PDXDC1: variants seen among roughly 807,000 people sequenced by gnomAD.
PDXDC1 encodes the protein pyridoxal-dependent decarboxylase domain-containing protein 1.
In PDXDC1, 42 loss-of-function variants were observed where a neutral mutation model predicts 100.1. The ratio of observed to expected loss-of-function variants is 0.42; its 90% CI spans 0.33 to 0.54. The LOEUF (loss-of-function observed/expected upper bound fraction) is 0.54, where lower values mean the gene tolerates loss of function less well. PDXDC1 is among the 20% of genes least tolerant of loss of function. The pLI is 0.10. For missense variants in PDXDC1, 636 were observed against 979.2 expected (o/e 0.65, Z 4.68); for synonymous variants, 260 against 371.7 (o/e 0.70, Z 3.46).
intron 8 of PDXDC1, among the ~76,000 whole-genome samples, chr16:15,012,852 A>T (rs1351123075): frequency 2.2e-3 from 3 of 1,384 alleles, no homozygotes; most frequent in Non-Finnish European, 0.01. Context: ...ATCCTTTCTT[A>T]AAAAAAAAAA....
At chr16:15,112,295 G>A (rs201904788) in intron 16 of PDXDC1, among the ~76,000 whole-genome samples, 102,868 of 141,612 alleles carry the variant, frequency 0.73, 38,801 homozygotes, top group Admixed American at 0.84. Context: ...CTTGGCTCAC[G>A]GCAACCTCCA....
intron 3 of PDXDC1, among the ~76,000 whole-genome samples, chr16:14,999,337 G>A (rs565736497): frequency 0.019 from 2,899 of 151,472 alleles, no homozygotes; most frequent in Non-Finnish European, 0.032. Context: ...AAAGTGCTGG[G>A]ACTACAGGCA....
Position 15,022,705 on chromosome 16 carries a change from G to A in PDXDC1, c.1091G>A (p.Ser364Asn). ...VERIKHACQL[S>N]QRLQESLKKV... ...TGTGTTATTTTTTGTCATTTGCAGAGTCAACGGTTGCAGGAAAGTTTGAAG... is the reference window on the plus strand; with the variant it reads ...TGTGTTATTTTTTGTCATTTGCAGAATCAACGGTTGCAGGAAAGTTTGAAG... Residue 364 changes from serine (S) to asparagine (N), a missense_variant and splice_region_variant, in exon 13 of 23, where the codon AGT becomes AAT. Coordinates refer to ENST00000396410, the MANE Select transcript of PDXDC1 (RefSeq NM_015027.4). The A allele has an allele frequency of 6.2e-7, 1 of 1,612,684 alleles. No homozygotes were observed. The highest frequency in any genetic ancestry group is 1.1e-5 in the South Asian group (1 of 90,782).
rs568886395 is a variant in PDXDC1 at position 15,028,202 on chromosome 16, A to G, written c.1205-676A>G. ...ACCAGTCTTCTCCGCGCTCCAGAAC[A>G]CTCTGCCCTTTCCTACCGCAAGGGC... On this transcript the variant is annotated intron_variant, in intron 14 of 22. Transcript: ENST00000396410. Among the ~76,000 whole-genome samples, 158 of 152,280 alleles carry G rather than the reference A, an allele frequency of 1.0e-3. 1 individual carries two copies. Among genetic ancestry groups the G allele is most frequent in the South Asian group, 8.3e-4 (4 of 4,824 alleles).
chr16:15,079,749 T>A (rs980815451), intron 16 of PDXDC1, among the ~76,000 whole-genome samples: 1 of 152,174 alleles, frequency 6.6e-6, no homozygotes, highest in East Asian at 1.9e-4. Context: ...CCCACCATCA[T>A]GCCTGGCTAA....
chr16:15,149,980 C>T, the PDXDC1 span, among the ~76,000 whole-genome samples: 1 of 152,064 alleles, frequency 6.6e-6, no homozygotes, highest in Non-Finnish European at 1.5e-5. Context: ...GCGAGAAATC[C>T]AGGCTGCAGG....
intron 16 of PDXDC1, among the ~76,000 whole-genome samples, chr16:15,048,541 G>A (rs1221458090): frequency 6.6e-6 from 1 of 151,948 alleles, no homozygotes; most frequent in Non-Finnish European, 1.5e-5. Context: ...TTACTAAAGA[G>A]TGTGAGACTC....
intron 6 of PDXDC1, among the ~76,000 whole-genome samples, chr16:15,007,753 G>A (rs557205425): frequency 5.9e-5 from 9 of 152,400 alleles, no homozygotes; most frequent in East Asian, 1.9e-4. Context: ...CCTCTGAAAC[G>A]TGAAATGAAT....
downstream of PDXDC1, among the ~76,000 whole-genome samples, chr16:15,039,728 G>C (rs896748234): frequency 1.3e-5 from 2 of 152,062 alleles, no homozygotes; most frequent in African/African-American, 4.8e-5. Context: ...TCGGATGCTG[G>C]GGTTCACACT....
rs1036740451 is a variant in PDXDC1, at chr16:15,004,124, G to T, written c.243-63G>T. The stretch of plus-strand genomic sequence containing the variant: ...CTGACAGATATTTCTGTGGAATTCT[G>T]TGTCTCTAAGTTCTATGTCCTTTTT... On this transcript the variant is annotated intron_variant, in intron 4 of 22. Coordinates refer to ENST00000396410, the MANE Select transcript of PDXDC1 (RefSeq NM_015027.4). 8 of 1,450,182 alleles carry T rather than the reference G, an allele frequency of 5.5e-6. No individual in the cohort carries two copies. The South Asian group carries it at 8.5e-5, about 15-fold the overall frequency. 89.8% of individuals were successfully genotyped at this position (1,450,182 alleles called of 1,614,324 possible).
chr16:15,110,157 A>G (rs955869525), intron 16 of PDXDC1, among the ~76,000 whole-genome samples: 1 of 150,208 alleles, frequency 6.7e-6, no homozygotes, highest in Non-Finnish European at 1.5e-5. Flanking sequence ...GGAAAAAAAA[A>G]AAAAGAGAGA....
intron 16 of PDXDC1, among the ~76,000 whole-genome samples, chr16:15,071,413 A>G (rs1452291143): frequency 6.6e-6 from 1 of 152,232 alleles, no homozygotes; most frequent in African/African-American, 2.4e-5. Context: ...AATATCATTA[A>G]AAACAAAAGG....
downstream of PDXDC1, chr16:15,041,557 G>C (rs1280413500): frequency 8.8e-7 from 1 of 1,131,092 alleles, no homozygotes; most frequent in Non-Finnish European, 1.4e-6. Flanking sequence ...TGGGCCCACT[G>C]CAAGACTGGG....
intron 16 of PDXDC1, chr16:15,048,170 G>C (rs1168229797): frequency 6.5e-6 from 7 of 1,078,016 alleles, no homozygotes; most frequent in Admixed American, 6.2e-5. Flanking sequence ...GATGTGGAGA[G>C]AGCCAAAGTG....
intron 16 of PDXDC1, chr16:15,074,719 T>C: frequency 1.2e-6 from 2 of 1,609,924 alleles, no homozygotes; most frequent in East Asian, 2.2e-5. Context: ...CTACTGTGAT[T>C]TACCATCTAC....
In PDXDC1 at chr16:15,036,445, G is replaced by C; in HGVS notation, c.*170G>C. ...GGTAGGCTTTCTAGGAGGGGAGTCAGCTTGTCTAACTTCATGTACATGTAG... is the reference window on the plus strand; with the variant it reads ...GGTAGGCTTTCTAGGAGGGGAGTCACCTTGTCTAACTTCATGTACATGTAG... On this transcript the variant is annotated 3_prime_UTR_variant, in exon 23 of 23. Coordinates refer to ENST00000396410, the MANE Select transcript of PDXDC1 (RefSeq NM_015027.4). The C allele has an allele frequency of 4.8e-6, 3 of 626,138 alleles. No individual in the cohort carries two copies. The South Asian group carries it at 6.2e-5, about 13-fold the overall frequency. The allele number at this position is 626,138 out of a possible 1,614,324, so 38.8% of individuals were successfully genotyped here.
At chr16:15,122,181 C>G (rs1024169845) in intron 16 of PDXDC1, among the ~76,000 whole-genome samples, 1 of 151,882 alleles carries the variant, frequency 6.6e-6, no homozygotes, top group African/African-American at 2.4e-5. Flanking sequence ...AACAAACAAA[C>G]AAAAAAGTCA....
chr16:15,128,187 G>A, intron 16 of PDXDC1: 5 of 1,610,080 alleles, frequency 3.1e-6, no homozygotes, highest in African/African-American at 1.3e-5. Flanking sequence ...CAACGCGGGG[G>A]CAGAGGGGCA....
Position 14,989,707 on chromosome 16 carries a change from C to G in PDXDC1, c.22-8046C>G, listed in dbSNP as rs560139889. On this transcript the variant is annotated intron_variant, in intron 1 of 22. Coordinates refer to ENST00000396410, the MANE Select transcript of PDXDC1 (RefSeq NM_015027.4). ...GGGGACCCCAGCTGCAGGCAACGCA[C>G]GCGGCGCAGCAGCCCCTCCCGCAGC... The G allele has an allele frequency of 7.7e-6, 12 of 1,554,134 alleles. No individual in the cohort carries two copies. The East Asian group carries it at 2.2e-4, about 28-fold the overall frequency.
Sources: allele counts gnomAD v4.1 joint callset (sites outside exome capture counted in the v4.1 genomes callset), GRCh38; gene constraint gnomAD v4.1.1; transcripts MANE v1.5; gene names NCBI Gene and HGNC (gene_info 2026-07-23, HGNC 2026-07-21).